Variants in PDZD2 observed in about 807,000 individuals in gnomAD.
PDZD2 encodes the protein PDZ domain-containing protein 2.
In PDZD2, 90 loss-of-function variants were observed where a neutral mutation model predicts 220.7. The ratio of observed to expected loss-of-function variants is 0.41; its 90% CI spans 0.34 to 0.49. The LOEUF (loss-of-function observed/expected upper bound fraction) is 0.49. Ranked by LOEUF, PDZD2 falls within the 20% of genes least tolerant of loss-of-function variation. PDZD2 has a pLI of 0.28. For synonymous variants in PDZD2, 1,375 were observed against 1,450.5 expected (o/e 0.95, Z 1.18); for missense variants, 3,174 against 3,608.5 (o/e 0.88, Z 3.08).
chr5:31,777,386 C>T (rs954868215), intron 1 of PDZD2, among the ~76,000 whole-genome samples: 28 of 152,082 alleles, frequency 1.8e-4, no homozygotes, highest in African/African-American at 6.3e-4. Context: ...GAGCCCCCCT[C>T]CCCTCGCCCC....
intron 2 of PDZD2, among the ~76,000 whole-genome samples, chr5:31,917,268 A>G (rs1743772733): frequency 6.6e-6 from 1 of 152,182 alleles, no homozygotes; most frequent in Admixed American, 6.5e-5. Context: ...TGAGATCTGG[A>G]TGGGTGCAGT....
In PDZD2 at chr5:31,847,897, C is replaced by T. The variant is rs979886389; in HGVS notation, c.476+48173C>T. ...AGAATGTTGCAGATTACATGCGTTA[C>T]CTAATGGAAGATGAAGATGCTTACC... On this transcript the variant is annotated intron_variant, in intron 2 of 24. Transcript: ENST00000438447. 7 of 478,444 alleles carry T rather than the reference C, an allele frequency of 1.5e-5. No homozygotes were observed. In the East Asian group the frequency reaches 3.0e-4, roughly 20 times the overall value. 29.6% of individuals were successfully genotyped at this position (478,444 alleles called of 1,614,324 possible).
intron 2 of PDZD2, among the ~76,000 whole-genome samples, chr5:31,803,048 G>A (rs981024924): frequency 6.6e-6 from 1 of 151,754 alleles, no homozygotes; most frequent in African/African-American, 2.4e-5. Flanking sequence ...TCAGTGAGGA[G>A]GCAGAGAAGA....
Position 32,110,578 on chromosome 5 carries a change from GGTCA to G in PDZD2, c.*2448_*2451del, listed in dbSNP as rs1295948732. On this transcript the variant is annotated 3_prime_UTR_variant, in exon 25 of 25. Transcript: ENST00000438447. ...TGTCATTGTTTCTTTTTTTTTAACTGGTCAGTCATTCACAATAAGCTATGAGGGT... is the reference window on the plus strand; with the variant it reads ...TGTCATTGTTTCTTTTTTTTTAACTGGTCATTCACAATAAGCTATGAGGGT... 7 of 152,144 alleles carry G rather than the reference GGTCA, an allele frequency of 4.6e-5. No individual in the cohort carries two copies. The highest frequency in any genetic ancestry group is 5.9e-5 in the Non-Finnish European group (4 of 67,976). 9.4% of individuals were successfully genotyped at this position (152,144 alleles called of 1,614,324 possible).
At chr5:31,844,915 C>G (rs1454114340) in intron 2 of PDZD2, among the ~76,000 whole-genome samples, 1 of 148,524 alleles carries the variant, frequency 6.7e-6, no homozygotes, top group Non-Finnish European at 1.5e-5. Flanking sequence ...AGGGATAGGT[C>G]AAAGCAGAAG....
At chr5:31,844,504 C>T (rs1413197077) in intron 2 of PDZD2, among the ~76,000 whole-genome samples, 6 of 152,028 alleles carry the variant, frequency 3.9e-5, no homozygotes, top group African/African-American at 1.4e-4. Flanking sequence ...TTGTCAAGAC[C>T]AAGTGGTAAG....
chr5:31,652,378 C>T (rs760798812), intron 1 of PDZD2, among the ~76,000 whole-genome samples: 5 of 152,166 alleles, frequency 3.3e-5, no homozygotes, highest in Non-Finnish European at 7.3e-5. Context: ...CCAACAATGG[C>T]GGTCCTGCAG....
intron 6 of PDZD2, among the ~76,000 whole-genome samples, chr5:32,030,126 T>G (rs1415890583): frequency 6.6e-6 from 1 of 152,236 alleles, no homozygotes; most frequent in East Asian, 1.9e-4. Context: ...ATGGTGCCTC[T>G]GATGGAGCTC....
chr5:31,972,553 T>C (rs1749401102), intron 2 of PDZD2, among the ~76,000 whole-genome samples: 1 of 152,242 alleles, frequency 6.6e-6, no homozygotes. Flanking sequence ...TTGGTTCACT[T>C]CTGTGTCCTC....
intron 2 of PDZD2, among the ~76,000 whole-genome samples, chr5:31,840,089 A>ATGG (rs1757172171): frequency 6.6e-6 from 1 of 152,070 alleles, no homozygotes; most frequent in Non-Finnish European, 1.5e-5. Context: ...TTAGCCAGGC[A>ATGG]TGGTGGCATG....
In PDZD2 at chr5:31,880,791, CTTTTT is replaced by C. The variant is rs1037018187; in HGVS notation, c.476+81090_476+81094del. On this transcript the variant is annotated intron_variant, in intron 2 of 24. Transcript: ENST00000438447. ...AGAAAGGTAGCTTTCTTTTTTTTTT[CTTTTT>C]TTTTTTTTTTTTTTTTTTTTTTGAG... is the stretch of plus-strand genomic sequence containing the variant. 6.5e-5 allele frequency among the ~76,000 whole-genome samples: 5 copies of C among 76,486 alleles called. 1 individual carries two copies. The highest frequency in any genetic ancestry group is 7.2e-4 in the East Asian group (2 of 2,780). 50.2% of individuals were successfully genotyped at this position (76,486 alleles called of 152,430 possible).
intron 4 of PDZD2, among the ~76,000 whole-genome samples, chr5:31,998,003 C>A (rs538828739): frequency 6.6e-6 from 1 of 152,194 alleles, no homozygotes; most frequent in Non-Finnish European, 1.5e-5. Flanking sequence ...CCACCATACC[C>A]GGCTAATTTT....
At chr5:31,894,272 A>G (rs1028085851) in intron 2 of PDZD2, among the ~76,000 whole-genome samples, 2 of 151,820 alleles carry the variant, frequency 1.3e-5, no homozygotes, top group African/African-American at 4.8e-5. Context: ...GTTTCGACCA[A>G]AAGACATTTA....
At chr5:31,767,337 A>G (rs1011765295) in intron 1 of PDZD2, among the ~76,000 whole-genome samples, 10 of 152,116 alleles carry the variant, frequency 6.6e-5, no homozygotes, top group Admixed American at 1.3e-4. Context: ...CAACCCCTTA[A>G]ACAGCTTTTA....
chr5:31,673,680 G>A (rs914821943), intron 1 of PDZD2, among the ~76,000 whole-genome samples: 1 of 152,114 alleles, frequency 6.6e-6, no homozygotes, highest in African/African-American at 2.4e-5. Flanking sequence ...CTTATAAGAA[G>A]AGATACTAGG....
rs529025057 is a variant in PDZD2 at position 31,759,687 on chromosome 5, A to G, written c.-360-39202A>G. Among the ~76,000 whole-genome samples the G allele has an allele frequency of 1.5e-3, 234 of 152,092 alleles. 16 individuals are homozygous for G. The South Asian group carries it at 0.047, about 31-fold the overall frequency. On this transcript the variant is annotated intron_variant, in intron 1 of 24. Transcript: ENST00000438447. Reference sequence around the variant, plus strand: ...CAGCCTCCTGAGTAGCTGGGATTACAGATGCATGCCACCACTCCTGGTCAA... The same window carrying G: ...CAGCCTCCTGAGTAGCTGGGATTACGGATGCATGCCACCACTCCTGGTCAA...
At position 32,000,739 on chromosome 5, in the gene PDZD2, A is replaced by G. The variant is rs978982106; in HGVS notation, c.1254+468A>G. On this transcript the variant is annotated intron_variant, in intron 5 of 24. Coordinates refer to ENST00000438447, the MANE Select transcript of PDZD2 (RefSeq NM_178140.4). This position sits in a 1 kb window ranked among gnomAD's most constrained non-coding sequence, Gnocchi z 4.5. Reference sequence around the variant, plus strand: ...TGGTCAGGCTGGTCTCAAACTCCTGACCTCAGGTGATGCACCTGCCTCAGC... The same window carrying G: ...TGGTCAGGCTGGTCTCAAACTCCTGGCCTCAGGTGATGCACCTGCCTCAGC... Among the ~76,000 whole-genome samples the G allele has an allele frequency of 1.3e-5, 2 of 152,090 alleles. No homozygotes were observed. Among genetic ancestry groups the G allele is most frequent in the Non-Finnish European group, 2.9e-5 (2 of 68,010 alleles).
chr5:32,072,976 A>G (rs1740899728), intron 17 of PDZD2, among the ~76,000 whole-genome samples: 1 of 152,064 alleles, frequency 6.6e-6, no homozygotes. Flanking sequence ...AGAAGGCTGT[A>G]AATTAAAGAT....
At chr5:31,801,373 G>GACC (rs56774000) in intron 2 of PDZD2, among the ~76,000 whole-genome samples, 72,379 of 151,734 alleles carry the variant, frequency 0.48, 17,625 homozygotes, top group Middle Eastern at 0.53. Flanking sequence ...GAGCAACGCT[G>GACC]ACCACCACCA....
Sources: allele counts gnomAD v4.1 joint callset (sites outside exome capture counted in the v4.1 genomes callset), GRCh38; gene constraint gnomAD v4.1.1; non-coding constraint Gnocchi (gnomAD v3.1); transcripts MANE v1.5; gene names NCBI Gene and HGNC (gene_info 2026-07-23, HGNC 2026-07-21).